Variants in CSF2RA observed in about 807,000 individuals in gnomAD.
CSF2RA encodes colony stimulating factor 2 receptor subunit alpha.
In CSF2RA, 42 loss-of-function variants were observed where a neutral mutation model predicts 51.6. That is an observed-to-expected ratio of 0.81 (90% CI 0.64 to 1.05). CSF2RA has a LOEUF of 1.05. CSF2RA is among the 50% of genes least tolerant of loss of function. The pLI is 0.00. For missense variants in CSF2RA, 530 were observed against 501.1 expected (o/e 1.06, Z -0.55); for synonymous variants, 222 against 193.0 (o/e 1.15, Z -1.24).
chrX:1,270,118 G>T (rs780595853), intron 1 of CSF2RA, among the ~76,000 whole-genome samples: 156 of 152,058 alleles, frequency 1.0e-3, no homozygotes, highest in Admixed American at 2.6e-3. Context: ...CCCAAAAAAA[G>T]ATAACTAAAA....
rs1241817139 is a variant in CSF2RA, at chrX:1,302,145, A to C, written c.946+1519A>C. Among the ~76,000 whole-genome samples the C allele has an allele frequency of 2.8e-5, 4 of 143,716 alleles. No individual in the cohort carries two copies. The South Asian group carries it at 8.7e-4, about 31-fold the overall frequency. The allele number at this position is 143,716 out of a possible 152,430, so 94.3% of individuals were successfully genotyped here. A position where few individuals can be genotyped will look rare whatever the true frequency, so the allele number is the denominator to read the frequency against. On this transcript the variant is annotated intron_variant, in intron 10 of 12. Transcript: ENST00000381529. ...TGGTCAGGCTGTTCTTGAACTCCTG[A>C]CCTCAGGTGATCTGCCCACCTCGCC...
intron 2 of CSF2RA, among the ~76,000 whole-genome samples, chrX:1,281,005 T>TCC (rs2089925215): frequency 1.7e-5 from 2 of 117,492 alleles, no homozygotes; most frequent in African/African-American, 3.0e-5. Flanking sequence ...CTCCTCCTCC[T>TCC]CCTTCTCCTC....
At chrX:1,319,502 G>A in the CSF2RA span, among the ~76,000 whole-genome samples, 1 of 149,322 alleles carries the variant, frequency 6.7e-6, no homozygotes, top group Non-Finnish European at 1.5e-5. Context: ...TGCCCAGGCT[G>A]GTCTCCAACT....
chrX:1,321,760 G>A, the CSF2RA span, among the ~76,000 whole-genome samples: 3 of 152,150 alleles, frequency 2.0e-5, no homozygotes, highest in African/African-American at 7.2e-5. Flanking sequence ...CTTCAGCGTA[G>A]CTGAGAACGT....
chrX:1,317,065 G>T, the CSF2RA span, among the ~76,000 whole-genome samples: 4 of 151,584 alleles, frequency 2.6e-5, no homozygotes, highest in African/African-American at 9.7e-5. Context: ...TCCTGCCTCA[G>T]CCTCCCGAGT....
chrX:1,317,925 G>C, the CSF2RA span, among the ~76,000 whole-genome samples: 1 of 151,486 alleles, frequency 6.6e-6, no homozygotes, highest in African/African-American at 2.4e-5. Context: ...TCCCACCTCG[G>C]CCTCCTTAGT....
intron 2 of CSF2RA, among the ~76,000 whole-genome samples, chrX:1,280,949 TCTC>T (rs1292314961): frequency 5.0e-5 from 1 of 19,860 alleles, no homozygotes; most frequent in Non-Finnish European, 1.1e-4. Flanking sequence ...TCCTCCTGCT[TCTC>T]CTCCTCCTCC....
chrX:1,295,671 C>T (rs1489137022), intron 9 of CSF2RA: 2 of 663,402 alleles, frequency 3.0e-6, no homozygotes, highest in African/African-American at 2.3e-5. Flanking sequence ...CTGACGACCT[C>T]CAGCGTAACC....
chrX:1,314,585 C>CAGGAAGAG (rs2084420636), downstream of CSF2RA, among the ~76,000 whole-genome samples: 2 of 18,078 alleles, frequency 1.1e-4, no homozygotes, highest in Non-Finnish European at 1.8e-4. Flanking sequence ...CTGCCCAACC[C>CAGGAAGAG]CACTGCACCT....
chrX:1,302,941 G>A (rs1271584299), intron 10 of CSF2RA: 39 of 227,224 alleles, frequency 1.7e-4, no homozygotes, highest in South Asian at 5.9e-4. Flanking sequence ...GCACGATCTC[G>A]GCTCACTGCA....
At chrX:1,287,378 T>A (rs1287062074) in intron 4 of CSF2RA, among the ~76,000 whole-genome samples, 2 of 150,570 alleles carry the variant, frequency 1.3e-5, no homozygotes, top group Admixed American at 6.6e-5. Context: ...GGTCTCCAAC[T>A]CCTGACCTCG....
intron 1 of CSF2RA, among the ~76,000 whole-genome samples, chrX:1,271,792 C>T (rs2088469232): frequency 6.6e-6 from 1 of 152,102 alleles, no homozygotes; most frequent in South Asian, 2.1e-4. Flanking sequence ...GCTGGGATTA[C>T]AGACATGAAC....
At chrX:1,300,244 A>G (rs1414574944) in intron 9 of CSF2RA, 1 of 451,390 alleles carries the variant, frequency 2.2e-6, no homozygotes, top group East Asian at 3.9e-5. Context: ...AAAATAAAAT[A>G]AAAAAGCTTA....
chrX:1,300,695 A>G (rs2092309880), intron 10 of CSF2RA, 69 bp downstream of exon 10: 2 of 1,601,282 alleles, frequency 1.2e-6, no homozygotes, highest in Admixed American at 1.7e-5. Flanking sequence ...CACAGAGGTC[A>G]GGTGCTCTGT....
chrX:1,270,364 C>G (rs28469093), intron 1 of CSF2RA, among the ~76,000 whole-genome samples: 5,284 of 151,618 alleles, frequency 0.035, 273 homozygotes, highest in Admixed American at 0.13. Flanking sequence ...CTCGGCCTCC[C>G]GAGTAGCTGG....
chrX:1,322,099 A>ATTATTTATTTATTTATTTATTTATTTAT, the CSF2RA span, among the ~76,000 whole-genome samples: 3 of 146,638 alleles, frequency 2.0e-5, no homozygotes, highest in African/African-American at 7.6e-5. Context: ...ATAACATCCT[A>ATTATTTATTTATTTATTTATTTATTTAT]TTATTTATTT....
the CSF2RA span, among the ~76,000 whole-genome samples, chrX:1,322,026 T>G: frequency 1.3e-5 from 2 of 151,954 alleles, no homozygotes; most frequent in Non-Finnish European, 1.5e-5. Flanking sequence ...TCCCAGAACT[T>G]TTGGAGGCTG....
intron 4 of CSF2RA, 86 bp from the exon 5 acceptor site, chrX:1,288,433 G>C: frequency 6.6e-7 from 1 of 1,521,436 alleles, no homozygotes; most frequent in Non-Finnish European, 9.1e-7. Context: ...AGTGAGCCGA[G>C]ATCACGCCAC....
At chrX:1,314,414 G>GCAC (rs2084368556), downstream of CSF2RA, among the ~76,000 whole-genome samples, 2 of 140,328 alleles carry the variant, frequency 1.4e-5, no homozygotes, top group South Asian at 2.3e-4. Context: ...CTGCCTAACC[G>GCAC]TACTGCACCT....
Sources: allele counts gnomAD v4.1 joint callset (sites outside exome capture counted in the v4.1 genomes callset), GRCh38; gene constraint gnomAD v4.1.1; transcripts MANE v1.5; gene names NCBI Gene and HGNC (gene_info 2026-07-23, HGNC 2026-07-21).